NUP160: variants seen among roughly 807,000 people sequenced by gnomAD.
NUP160 encodes the protein nucleoporin 160.
A neutral mutation model predicts 196.9 loss-of-function variants in NUP160; 94 were observed. The observed-to-expected ratio is 0.48, with a 90% CI of 0.40 to 0.57. The LOEUF is 0.57. Among genes scored for constraint, NUP160 ranks in the 20% least tolerant of loss-of-function variants. The pLI is 0.00. For synonymous variants in NUP160, 605 were observed against 619.7 expected, an observed-to-expected ratio of 0.98 and a Z score of 0.35; for missense variants, 1,638 against 1,748.3, an observed-to-expected ratio of 0.94 and a Z score of 1.13.
rs1458791854 is a variant in NUP160, at chr11:47,834,578, C to CAAGGTAGATATCCTTGCTGGCCAG, written c.1101+1049_1101+1072dup. Among the ~76,000 whole-genome samples, 5 of 152,258 alleles carry CAAGGTAGATATCCTTGCTGGCCAG rather than the reference C, an allele frequency of 3.3e-5. No homozygotes were observed. In the East Asian group the frequency reaches 9.7e-4, roughly 29 times the overall value. On this transcript the variant is annotated intron_variant, in intron 7 of 35. Transcript: ENST00000378460. ...AGCAATCCAATCTAAAAACCTAGAG[C>CAAGGTAGATATCCTTGCTGGCCAG]AAGGTAGATATCCTTGCTGGCCAGA...
At chr11:47,794,856 T>G (rs548042092) in intron 27 of NUP160, among the ~76,000 whole-genome samples, 1 of 152,008 alleles carries the variant, frequency 6.6e-6, no homozygotes, top group East Asian at 1.9e-4. Context: ...GAGGTTGCAG[T>G]GAGCCGAGAT....
intron 27 of NUP160, among the ~76,000 whole-genome samples, chr11:47,794,629 G>C (rs1439626994): frequency 3.3e-5 from 5 of 152,008 alleles, no homozygotes; most frequent in Non-Finnish European, 7.4e-5. Flanking sequence ...ATTAGGGGCT[G>C]GGTGTGGTGA....
At chr11:47,792,638 G>A in intron 28 of NUP160, 148 bp downstream of exon 28, 1 of 749,104 alleles carries the variant, frequency 1.3e-6, no homozygotes, top group South Asian at 2.0e-5. Context: ...CAATTGAATT[G>A]TAAACATAGA....
chr11:47,839,680 C>A, intron 4 of NUP160, 163 bp downstream of exon 4: 1 of 646,694 alleles, frequency 1.5e-6, no homozygotes, highest in Admixed American at 2.7e-5. Flanking sequence ...TCCTTATCCA[C>A]TGTATAAAAG....
intron 4 of NUP160, 22 bp downstream of exon 4, chr11:47,839,821 C>A: frequency 6.4e-7 from 1 of 1,572,672 alleles, no homozygotes; most frequent in Non-Finnish European, 8.8e-7. Context: ...AAGTTAAATC[C>A]ATGCTCAGTT....
chr11:47,843,457 T>A (rs1298344975), intron 2 of NUP160, among the ~76,000 whole-genome samples: 1 of 152,224 alleles, frequency 6.6e-6, no homozygotes, highest in Non-Finnish European at 1.5e-5. Context: ...TCACTTCAGT[T>A]ACTCCTTCTT....
intron 7 of NUP160, among the ~76,000 whole-genome samples, chr11:47,832,655 T>C (rs750997068): frequency 4.6e-5 from 7 of 152,224 alleles, no homozygotes; most frequent in East Asian, 1.9e-4. Flanking sequence ...CCTGGCAAAC[T>C]ATCTTTGAAA....
chr11:47,782,112 T>A (rs989387913), intron 34 of NUP160, among the ~76,000 whole-genome samples: 2 of 151,216 alleles, frequency 1.3e-5, no homozygotes, highest in African/African-American at 2.4e-5. Context: ...TGAAGCCCCA[T>A]CTCTACCAAA....
At chr11:47,806,203 C>A in exon 20 of NUP160, 1 of 1,614,100 alleles carries the variant, frequency 6.2e-7, no homozygotes, top group Middle Eastern at 1.7e-4. Context: ...CAGGCCAATT[C>A]AATCCAGTTT....
intron 28 of NUP160, chr11:47,792,471 T>C (rs2097668431): frequency 3.8e-6 from 1 of 266,222 alleles, no homozygotes. Flanking sequence ...ACCCAAACAA[T>C]CCTATAAAGT....
chr11:47,840,621 T>C, intron 2 of NUP160, 33 bp from the exon 3 acceptor site: 1 of 1,483,430 alleles, frequency 6.7e-7, no homozygotes, highest in East Asian at 2.3e-5. Context: ...TTGAAAAGTT[T>C]ATGCTTTTCT....
Position 47,800,966 on chromosome 11 carries a change from G to A in NUP160, c.2895+845C>T, listed in dbSNP as rs369875287. Among the ~76,000 whole-genome samples, 78 of 152,320 alleles carry A rather than the reference G, an allele frequency of 5.1e-4. 1 individual carries two copies. The highest frequency in any genetic ancestry group is 1.5e-3 in the African/African-American group (63 of 41,572). ...AGAGACCTGAATGGAATGAGGGTGT[G>A]AGGAAGGGCATTTCAGGCTGACAGA... On this transcript the variant is annotated intron_variant, in intron 23 of 35. Transcript: ENST00000378460.
At position 47,793,501 on chromosome 11, in the gene NUP160, A is replaced by T. The variant is rs569576164; in HGVS notation, c.3290-555T>A. ...AAAACAGTATGGCAGTTCCTCAAAA[A>T]ATTAAAAGTGAAATTATCATGTCAT... On this transcript the variant is annotated intron_variant, in intron 27 of 35. Coordinates refer to ENST00000378460, the Ensembl canonical transcript of NUP160. Among the ~76,000 whole-genome samples the T allele has an allele frequency of 8.6e-4, 131 of 152,168 alleles. 1 individual carries two copies. Among genetic ancestry groups the T allele is most frequent in the African/African-American group, 3.1e-3 (129 of 41,528 alleles).
intron 27 of NUP160, among the ~76,000 whole-genome samples, chr11:47,794,808 A>ATT: frequency 1.3e-5 from 2 of 151,922 alleles, no homozygotes; most frequent in Non-Finnish European, 2.9e-5. Flanking sequence ...GCTACTCAGG[A>ATT]GTCTGAGGCA....
chr11:47,814,630 T>C (rs1050882576), intron 13 of NUP160, among the ~76,000 whole-genome samples: 14 of 152,012 alleles, frequency 9.2e-5, no homozygotes, highest in Middle Eastern at 3.4e-3. Context: ...TATATATATG[T>C]TATATTTGGC....
intron 3 of NUP160, 24 bp downstream of exon 3, chr11:47,840,354 A>G: frequency 6.3e-7 from 1 of 1,581,234 alleles, no homozygotes; most frequent in Non-Finnish European, 8.7e-7. Flanking sequence ...GGGAAATAAA[A>G]GATATTGCAC....
intron 29 of NUP160, among the ~76,000 whole-genome samples, chr11:47,791,390 A>G (rs917774370): frequency 6.6e-6 from 1 of 152,148 alleles, no homozygotes; most frequent in Non-Finnish European, 1.5e-5. Context: ...CCCAGGCTGG[A>G]GTGCAGTGGC....
At chr11:47,784,703 T>G in intron 33 of NUP160, 2 of 296,936 alleles carry the variant, frequency 6.7e-6, no homozygotes, top group East Asian at 5.2e-5. Context: ...TTCTTTTTCT[T>G]TATATATTTT....
At chr11:47,779,087 G>C in exon 36 of NUP160, 3 of 1,596,350 alleles carry the variant, frequency 1.9e-6, no homozygotes, top group Non-Finnish European at 8.6e-7. Context: ...GGTTACAAAG[G>C]CTAGGTGACA....
Sources: allele counts gnomAD v4.1 joint callset (sites outside exome capture counted in the v4.1 genomes callset), GRCh38; gene constraint gnomAD v4.1.1; transcripts MANE v1.5; gene names NCBI Gene and HGNC (gene_info 2026-07-23, HGNC 2026-07-21).